The following JMY variants were observed in gnomAD, a reference collection of about 807,000 sequenced individuals.
JMY encodes the protein junction-mediating and -regulatory protein.
JMY carries 46 observed loss-of-function variants against 103.3 expected under a neutral mutation model. The observed-to-expected ratio is 0.45, with a 90% CI of 0.35 to 0.57. The LOEUF is 0.57. Ranked by LOEUF, JMY falls within the 20% of genes least tolerant of loss-of-function variation. The pLI is 0.00. For missense variants in JMY, 1,238 were observed against 1,255.2 expected, an observed-to-expected ratio of 0.99 and a Z score of 0.21; for synonymous variants, 526 against 489.3, an observed-to-expected ratio of 1.07 and a Z score of -0.99.
chr5:79,237,570 A>G lies in JMY; in HGVS notation c.920A>G (p.Gln307Arg), dbSNP rs1409087424. 2.5e-6 allele frequency: 4 copies of G among 1,613,614 alleles called. No homozygotes were observed. The highest frequency in any genetic ancestry group is 1.7e-5 in the Admixed American group (1 of 60,018). ...LDTCGWKILS[Q>R]VLFTETDDPE... ...ACCTGCGGCTGGAAGATCCTCTCCC[A>G]GGTGCTCTTCACCGAGACCGATGAT... The change falls in exon 1 of 11, where the codon CAG (glutamine) becomes CGG (arginine). Residue 307 changes from glutamine (Q) to arginine (R), a missense_variant. By Grantham distance (43) the Gln-to-Arg change is conservative. Transcript: ENST00000396137.
intron 3 of JMY, 78 bp downstream of exon 3, chr5:79,290,349 A>G: frequency 1.0e-6 from 1 of 991,768 alleles, no homozygotes; most frequent in Non-Finnish European, 1.4e-6. Flanking sequence ...GAAAAATTAC[A>G]TAGAAAAGTA....
chr5:79,265,166 C>T (rs1561295397), intron 1 of JMY, among the ~76,000 whole-genome samples: 4 of 152,230 alleles, frequency 2.6e-5, no homozygotes, highest in East Asian at 1.9e-4. Flanking sequence ...CCTCGTGATC[C>T]GCCCGCCTTG....
At chr5:79,279,439 A>G (rs988326273) in intron 2 of JMY, among the ~76,000 whole-genome samples, 3 of 152,218 alleles carry the variant, frequency 2.0e-5, no homozygotes, top group African/African-American at 7.2e-5. Context: ...GTTATGTGTA[A>G]TTCATATATA....
At position 79,270,490 on chromosome 5, in the gene JMY, C is replaced by T. The variant is rs752839687; in HGVS notation, c.1033-7420C>T. Among the ~76,000 whole-genome samples, 3 of 52,432 alleles carry T rather than the reference C, an allele frequency of 5.7e-5. 1 individual carries two copies. Among genetic ancestry groups the T allele is most frequent in the African/African-American group, 3.1e-4 (3 of 9,830 alleles). The allele number at this position is 52,432 out of a possible 152,430, so 34.4% of individuals were successfully genotyped here. ...AAATGTATATTTACATAAATATTTA[C>T]ATAAAATATATATTTACATAAATAT... On this transcript the variant is annotated intron_variant, in intron 1 of 10. Transcript: ENST00000396137.
At chr5:79,281,663 G>T (rs1317561143) in intron 2 of JMY, among the ~76,000 whole-genome samples, 1 of 152,088 alleles carries the variant, frequency 6.6e-6, no homozygotes, top group Non-Finnish European at 1.5e-5. Flanking sequence ...AAATACAAAA[G>T]AATATATAAT....
rs965017152 is a variant in JMY at position 79,318,108 on chromosome 5, T to A, written c.*3+1798T>A. 3.7e-4 allele frequency among the ~76,000 whole-genome samples: 56 copies of A among 151,994 alleles called. 1 individual carries two copies. The highest frequency in any genetic ancestry group is 3.2e-3 in the Admixed American group (49 of 15,268). ...GCTCCACCTCGTGGGTTCAAGTGAA[T>A]CTCGTGCCTCAGCCTCCTGAGTAGC... On this transcript the variant is annotated intron_variant, in intron 10 of 10. Transcript: ENST00000396137.
chr5:79,272,698 G>A (rs1745820562), intron 1 of JMY, among the ~76,000 whole-genome samples: 1 of 152,092 alleles, frequency 6.6e-6, no homozygotes. Flanking sequence ...CAGTGGCTCA[G>A]TCATAGCTCA....
chr5:79,306,458 A>G lies in JMY; in HGVS notation c.1965A>G (p.Gln655=). The change falls in exon 7 of 11, where the codon CAA becomes CAG. Residue 655 remains glutamine, a synonymous_variant. Coordinates refer to ENST00000396137, the MANE Select transcript of JMY (RefSeq NM_152405.5). ...AATATAGAACCCATCACACAGTACAACTAGTAAGTTTGGATTCGAAGATTT... is the reference window on the plus strand; with the variant it reads ...AATATAGAACCCATCACACAGTACAGCTAGTAAGTTTGGATTCGAAGATTT... ...EDEYRTHHTV[Q]LKREKLHDEE... is the part of the protein sequence containing the mutation. 6.2e-7 allele frequency: 1 copy of G among 1,604,202 alleles called. No individual in the cohort carries two copies. Among genetic ancestry groups the G allele is most frequent in the Non-Finnish European group, 8.5e-7 (1 of 1,172,858 alleles).
At chr5:79,284,091 C>G (rs1371850474) in intron 2 of JMY, 1 of 1,264,492 alleles carries the variant, frequency 7.9e-7, no homozygotes, top group Non-Finnish European at 1.1e-6. Context: ...TTTTTTTTCA[C>G]AAATAGCACT....
At chr5:79,249,627 A>G (rs186318172) in intron 1 of JMY, among the ~76,000 whole-genome samples, 1 of 152,202 alleles carries the variant, frequency 6.6e-6, no homozygotes, top group Admixed American at 6.5e-5. Context: ...AAGTATCAGC[A>G]TGTTTTTGGG....
In JMY at chr5:79,237,266, C is replaced by T. The variant is rs964374133; in HGVS notation, c.616C>T (p.Leu206=). 1.3e-6 allele frequency: 2 copies of T among 1,551,878 alleles called. No homozygotes were observed. The highest frequency in any genetic ancestry group is 1.7e-6 in the Non-Finnish European group (2 of 1,147,568). Residue 206 remains leucine (L), a synonymous_variant, in exon 1 of 11, where the codon CTG becomes TTG. Coordinates refer to ENST00000396137, the MANE Select transcript of JMY (RefSeq NM_152405.5). ...LEMVKEDEAP[L]ALSDAEQPPP... ...AATGGTGAAGGAGGACGAGGCACCT[C>T]TGGCGCTCTCGGACGCGGAGCAGCC...
intron 1 of JMY, among the ~76,000 whole-genome samples, chr5:79,251,351 G>C (rs902921929): frequency 2.2e-4 from 34 of 151,922 alleles, no homozygotes; most frequent in Admixed American, 1.3e-4. Flanking sequence ...CCCATCTCAG[G>C]CTCCTGAGTT....
At chr5:79,243,095 T>G (rs535428993) in intron 1 of JMY, among the ~76,000 whole-genome samples, 1 of 152,080 alleles carries the variant, frequency 6.6e-6, no homozygotes, top group South Asian at 2.1e-4. Flanking sequence ...GTGGGGAAGT[T>G]TTTTGTTTGT....
In JMY at chr5:79,322,479, T is replaced by C. The variant is rs1444529893; in HGVS notation, c.*877T>C. The C allele has an allele frequency of 1.3e-5, 2 of 152,230 alleles. No homozygotes were observed. The highest frequency in any genetic ancestry group is 4.8e-5 in the African/African-American group (2 of 41,468). The allele number at this position is 152,230 out of a possible 1,614,324, so 9.4% of individuals were successfully genotyped here. ...AGAATCAAAAATCAAGATTCAATCA[T>C]AGGGATGCAGATCTTAACTCTTTTC... On this transcript the variant is annotated 3_prime_UTR_variant, in exon 11 of 11. Coordinates refer to ENST00000396137, the MANE Select transcript of JMY (RefSeq NM_152405.5).
At chr5:79,269,792 G>A (rs140914404) in intron 1 of JMY, among the ~76,000 whole-genome samples, 3,156 of 151,682 alleles carry the variant, frequency 0.021, 132 homozygotes, top group African/African-American at 0.072. Flanking sequence ...GTGCAGTGGC[G>A]CAATCATAGC....
rs1561316124 is a variant in JMY, at chr5:79,314,652, C to A, written c.2460C>A (p.Pro820=). Residue 820 remains proline (P), a synonymous_variant, in exon 9 of 11, where the codon CCC becomes CCA. Transcript: ENST00000396137. ...TPPPPPPPPP[P]PPPPPLPVAK... ...CACCTCCCCCACCTCCTCCCCCTCC[C>A]CCACCACCACCACCTCTGCCTGTTG... is the stretch of plus-strand genomic sequence containing the variant. 3 of 1,567,350 alleles carry A rather than the reference C, an allele frequency of 1.9e-6. No homozygotes were observed. Among genetic ancestry groups the A allele is most frequent in the Admixed American group, 1.8e-5 (1 of 56,364 alleles).
chr5:79,249,834 A>T (rs1172267018), intron 1 of JMY, among the ~76,000 whole-genome samples: 2 of 152,156 alleles, frequency 1.3e-5, no homozygotes, highest in African/African-American at 4.8e-5. Flanking sequence ...CCTTGAGTAG[A>T]GGCCATGTGG....
chr5:79,259,333 A>T (rs1272337643), intron 1 of JMY, among the ~76,000 whole-genome samples: 2 of 152,086 alleles, frequency 1.3e-5, no homozygotes, highest in Admixed American at 6.5e-5. Context: ...TGGGGCTTTT[A>T]TGGGCCTCAG....
intron 6 of JMY, among the ~76,000 whole-genome samples, chr5:79,302,896 A>T (rs1344703983): frequency 6.6e-6 from 1 of 152,230 alleles, no homozygotes; most frequent in East Asian, 1.9e-4. Context: ...TAAGAGATGG[A>T]CAAATCTTGA....
Sources: gnomAD v4.1 joint callset for allele counts (sites outside exome capture counted in the v4.1 genomes callset) on GRCh38, gnomAD v4.1.1 for gene constraint, MANE v1.5 for transcripts, NCBI Gene and HGNC (gene_info 2026-07-23, HGNC 2026-07-21) for gene names.